The following NAV1 variants were observed in gnomAD, a reference collection of about 807,000 sequenced individuals.
NAV1 encodes the protein neuron navigator 1, also known as pore membrane and/or filament interacting like protein 3.
NAV1 carries 18 observed loss-of-function variants against 175.2 expected under a neutral mutation model. The ratio of observed to expected loss-of-function variants is 0.10; its 90% CI spans 0.07 to 0.15. NAV1 has a LOEUF of 0.15. Ranked by LOEUF, NAV1 falls within the 10% of genes least tolerant of loss-of-function variation. The pLI is 1.00. For missense variants in NAV1, 1,731 were observed against 2,436.6 expected (o/e 0.71, Z 6.10); for synonymous variants, 897 against 978.7 (o/e 0.92, Z 1.56).
At chr1:201,630,882 G>A (rs976186745) in intron 2 of NAV1, among the ~76,000 whole-genome samples, 1 of 152,192 alleles carries the variant, frequency 6.6e-6, no homozygotes, top group Non-Finnish European at 1.5e-5. Context: ...CATTGTTAGA[G>A]CCTAATGATC....
chr1:201,746,409 G>A (rs1673774181), intron 3 of NAV1, among the ~76,000 whole-genome samples: 1 of 152,066 alleles, frequency 6.6e-6, no homozygotes, highest in Non-Finnish European at 1.5e-5. Context: ...AACATAACAG[G>A]TACATAAAAT....
At chr1:201,753,543 T>C (rs755906342) in intron 3 of NAV1, among the ~76,000 whole-genome samples, 29 of 152,206 alleles carry the variant, frequency 1.9e-4, no homozygotes, top group Non-Finnish European at 3.8e-4. Context: ...TTTACCTTAA[T>C]AGTGCTTCTC....
chr1:201,671,502 G>T, intron 1 of NAV1, among the ~76,000 whole-genome samples: 1 of 152,210 alleles, frequency 6.6e-6, no homozygotes, highest in East Asian at 1.9e-4. Flanking sequence ...CAGTGCTACA[G>T]TATGACCTTG....
chr1:201,719,896 G>A (rs1203483155), intron 3 of NAV1, among the ~76,000 whole-genome samples: 1 of 152,124 alleles, frequency 6.6e-6, no homozygotes, highest in Non-Finnish European at 1.5e-5. Flanking sequence ...CAAGCTCCAG[G>A]CCATCCACTG....
chr1:201,761,577 G>A (rs541299211), intron 3 of NAV1, among the ~76,000 whole-genome samples: 1 of 152,234 alleles, frequency 6.6e-6, no homozygotes, highest in South Asian at 2.1e-4. Flanking sequence ...CAACGTCTTC[G>A]TTTAATAAAG....
chr1:201,715,671 G>A lies in NAV1; in HGVS notation c.861-2719G>A, dbSNP rs556269253. On this transcript the variant is annotated intron_variant, in intron 2 of 29. Transcript: ENST00000367296. The stretch of plus-strand genomic sequence containing the variant: ...GTGCCAGGCACAGCGCTGGGCACTG[G>A]CTCCCCAGAACACACACAAGCTTCA... 2.0e-5 allele frequency among the ~76,000 whole-genome samples: 3 copies of A among 152,316 alleles called. No individual in the cohort carries two copies. In the East Asian group the frequency reaches 5.8e-4, roughly 29 times the overall value.
In NAV1 at chr1:201,539,297, G is replaced by T. The variant is rs1226520216; in HGVS notation, c.-189G>T. Among the ~76,000 whole-genome samples the T allele has an allele frequency of 2.0e-5, 3 of 151,920 alleles. No homozygotes were observed. In the East Asian group the frequency reaches 5.8e-4, roughly 29 times the overall value. On this transcript the variant is annotated 5_prime_UTR_variant, in exon 1 of 34. Transcript: ENST00000685211. This position sits in a 1 kb window ranked among gnomAD's most constrained non-coding sequence, Gnocchi z 5.6. Reference sequence around the variant, plus strand: ...GCTGCCCTTGGGGATGCGCGACTCTGCGCGGCTGCGGCGCGGACCCGGAGC... The same window carrying T: ...GCTGCCCTTGGGGATGCGCGACTCTTCGCGGCTGCGGCGCGGACCCGGAGC...
At chr1:201,816,886 C>T in intron 28 of NAV1, 1 of 568,248 alleles carries the variant, frequency 1.8e-6, no homozygotes, top group Non-Finnish European at 3.1e-6. Context: ...GTTGGCCAGG[C>T]TGGTCTTGAA....
chr1:201,644,143 C>T (rs190810781), upstream of NAV1, among the ~76,000 whole-genome samples: 1 of 152,244 alleles, frequency 6.6e-6, no homozygotes, highest in East Asian at 1.9e-4. Context: ...GCACCCACTG[C>T]CTGCCCAGCC....
intron 1 of NAV1, among the ~76,000 whole-genome samples, chr1:201,567,227 G>A (rs1264152131): frequency 6.6e-6 from 1 of 152,180 alleles, no homozygotes; most frequent in Non-Finnish European, 1.5e-5. Flanking sequence ...AGGGGGGAGT[G>A]GACAAACATC....
At chr1:201,775,817 G>C (rs896125287) in intron 3 of NAV1, among the ~76,000 whole-genome samples, 1 of 152,174 alleles carries the variant, frequency 6.6e-6, no homozygotes, top group Non-Finnish European at 1.5e-5. Flanking sequence ...CAGCACTTTG[G>C]GAGGCTGAGG....
chr1:201,558,654 G>A (rs560035783), intron 1 of NAV1, among the ~76,000 whole-genome samples: 38 of 152,262 alleles, frequency 2.5e-4, no homozygotes, highest in African/African-American at 9.1e-4. Context: ...GTCTCACCAC[G>A]TTGGTCAGGC....
At chr1:201,641,479 TC>T (rs1414565356) in intron 2 of NAV1, among the ~76,000 whole-genome samples, 1 of 152,130 alleles carries the variant, frequency 6.6e-6, no homozygotes, top group African/African-American at 2.4e-5. Context: ...GCTTAAGAAG[TC>T]CCATGTTTTG....
chr1:201,592,946 C>T (rs1279664085), intron 2 of NAV1, among the ~76,000 whole-genome samples: 1 of 152,140 alleles, frequency 6.6e-6, no homozygotes, highest in East Asian at 1.9e-4. Context: ...GGGCTACGTC[C>T]TCTCCCAGTC....
chr1:201,599,209 G>A (rs529754142), intron 2 of NAV1, among the ~76,000 whole-genome samples: 11 of 152,334 alleles, frequency 7.2e-5, no homozygotes, highest in African/African-American at 2.6e-4. Context: ...TGGATCACGT[G>A]ATTCAAGGTT....
intron 1 of NAV1, among the ~76,000 whole-genome samples, chr1:201,562,062 C>T (rs557237018): frequency 3.3e-5 from 5 of 152,118 alleles, no homozygotes; most frequent in African/African-American, 7.2e-5. Flanking sequence ...TGGAGTGCAG[C>T]GGCACCATCA....
intron 3 of NAV1, among the ~76,000 whole-genome samples, chr1:201,770,943 G>T (rs1436737807): frequency 3.9e-5 from 6 of 152,120 alleles, no homozygotes; most frequent in African/African-American, 1.2e-4. Flanking sequence ...TGGAACCTGA[G>T]AACAGGGCAG....
intron 2 of NAV1, 161 bp downstream of exon 4, chr1:201,629,668 C>A: frequency 2.5e-6 from 1 of 403,788 alleles, no homozygotes; most frequent in Non-Finnish European, 4.3e-6. Flanking sequence ...CTTGACTCAA[C>A]CCAGGGTTGG....
rs1405415117 is a variant in NAV1 at position 201,811,899 on chromosome 1, A to G, written c.4953-4A>G. The G allele has an allele frequency of 8.1e-6, 13 of 1,613,942 alleles. No homozygotes were observed. Among genetic ancestry groups the G allele is most frequent in the African/African-American group, 1.3e-5 (1 of 74,914 alleles). ...GTGAATCTTTTTCCCCTTTCTCCCT[A>G]CAGTCCCTATATTATAGGTACCACC... On this transcript the variant is annotated splice_region_variant and splice_polypyrimidine_tract_variant and intron_variant, in intron 25 of 29. Coordinates refer to ENST00000367296, the Ensembl canonical transcript of NAV1.
Sources: allele counts gnomAD v4.1 joint callset (sites outside exome capture counted in the v4.1 genomes callset), GRCh38; gene constraint gnomAD v4.1.1; non-coding constraint Gnocchi (gnomAD v3.1); transcripts MANE v1.5; gene names NCBI Gene and HGNC (gene_info 2026-07-23, HGNC 2026-07-21).